The following N4BP2 variants were observed in gnomAD, a reference collection of about 807,000 sequenced individuals.
The protein encoded by N4BP2 is NEDD4 binding protein 2, also known as NEDD4-binding protein 2.
Under a neutral mutation model 152.8 loss-of-function variants are expected in N4BP2, and 91 were observed. The ratio of observed to expected loss-of-function variants is 0.60; its 90% CI spans 0.50 to 0.71. N4BP2 has a LOEUF of 0.71. N4BP2 is among the 30% of genes least tolerant of loss of function. N4BP2 has a pLI of 0.00. For synonymous variants in N4BP2, 646 were observed against 705.3 expected, an observed-to-expected ratio of 0.92 and a Z score of 1.33; for missense variants, 1,923 against 2,059.1, an observed-to-expected ratio of 0.93 and a Z score of 1.28.
At position 40,120,319 on chromosome 4, in the gene N4BP2, CTG is replaced by C; in HGVS notation, c.2211_2212del (p.Cys737Ter). On this transcript the variant is annotated frameshift_variant, in exon 9 of 18. Transcript: ENST00000261435. LOFTEE classifies it high-confidence loss of function. Reference protein sequence around the residue: ...TCCSENNQEDCDLANSGPLQN... With the variant: ...TCCSENNQEDXDLANSGPLQN... Reference sequence around the variant, plus strand: ...GCTGTAGTGAAAATAATCAAGAAGACTGTGATCTTGCAAATAGTGGACCACTT... The same window carrying C: ...GCTGTAGTGAAAATAATCAAGAAGACTGATCTTGCAAATAGTGGACCACTT... 1.2e-6 allele frequency: 2 copies of C among 1,612,730 alleles called. No individual in the cohort carries two copies. Among genetic ancestry groups the C allele is most frequent in the Non-Finnish European group, 8.5e-7 (1 of 1,179,640 alleles).
intron 4 of N4BP2, among the ~76,000 whole-genome samples, chr4:40,104,508 T>A (rs560634374): frequency 6.6e-6 from 1 of 152,052 alleles, no homozygotes; most frequent in African/African-American, 2.4e-5. Context: ...TCAGTAGACA[T>A]GTAGGCTTTT....
chr4:40,152,451 A>G (rs983724717), intron 16 of N4BP2, among the ~76,000 whole-genome samples: 4 of 152,210 alleles, frequency 2.6e-5, no homozygotes, highest in African/African-American at 9.6e-5. Context: ...ATTGTTAGGT[A>G]TCATTAATGG....
chr4:40,141,983 CA>C (rs1324740574), intron 14 of N4BP2, among the ~76,000 whole-genome samples: 1 of 152,076 alleles, frequency 6.6e-6, no homozygotes, highest in African/African-American at 2.4e-5. Context: ...AGGCACTCGG[CA>C]AGCTGAGGCA....
At chr4:40,179,478 G>T in the N4BP2 span, among the ~76,000 whole-genome samples, 1 of 152,220 alleles carries the variant, frequency 6.6e-6, no homozygotes, top group African/African-American at 2.4e-5. Flanking sequence ...TTGCAAGAGG[G>T]TGCTAAGCAG....
At chr4:40,170,411 G>A in the N4BP2 span, among the ~76,000 whole-genome samples, 1 of 151,910 alleles carries the variant, frequency 6.6e-6, no homozygotes, top group Non-Finnish European at 1.5e-5. Flanking sequence ...TTGAGTTTAG[G>A]AGTTGAAGAC....
At chr4:40,163,705 C>CT in the N4BP2 span, among the ~76,000 whole-genome samples, 1 of 152,192 alleles carries the variant, frequency 6.6e-6, no homozygotes, top group Non-Finnish European at 1.5e-5. Context: ...GAAAAACCCT[C>CT]TGTTCTTGAT....
At chr4:40,090,448 GT>G (rs1389158687) in intron 2 of N4BP2, among the ~76,000 whole-genome samples, 1 of 152,034 alleles carries the variant, frequency 6.6e-6, no homozygotes, top group Non-Finnish European at 1.5e-5. Flanking sequence ...TTTTGTACTT[GT>G]TTTCTTAGAT....
At chr4:40,127,136 G>T (rs1199222719) in intron 12 of N4BP2, among the ~76,000 whole-genome samples, 1 of 151,784 alleles carries the variant, frequency 6.6e-6, no homozygotes, top group Non-Finnish European at 1.5e-5. Flanking sequence ...TGATTCACCT[G>T]CCTTGCCCTC....
intron 14 of N4BP2, among the ~76,000 whole-genome samples, chr4:40,141,478 C>T (rs1719956120): frequency 6.6e-6 from 1 of 150,492 alleles, no homozygotes; most frequent in Non-Finnish European, 1.5e-5. Flanking sequence ...CTCCCCACAT[C>T]TCAGACGATG....
downstream of N4BP2, among the ~76,000 whole-genome samples, chr4:40,162,060 T>C (rs1721874210): frequency 6.6e-6 from 1 of 152,200 alleles, no homozygotes; most frequent in Admixed American, 6.5e-5. Flanking sequence ...TACCAGTGGA[T>C]AGATGGCCTC....
chr4:40,144,288 A>G (rs1382724987), intron 15 of N4BP2, among the ~76,000 whole-genome samples: 3 of 152,146 alleles, frequency 2.0e-5, no homozygotes, highest in Admixed American at 6.5e-5. Context: ...CCCAGAAACA[A>G]TGCTTCACCA....
At chr4:40,080,957 C>T (rs79717465) in intron 2 of N4BP2, among the ~76,000 whole-genome samples, 24,750 of 151,468 alleles carry the variant, frequency 0.16, 2,416 homozygotes, top group East Asian at 0.45. Context: ...TGAGCCACTG[C>T]GCCTGGCAAG....
the N4BP2 span, among the ~76,000 whole-genome samples, chr4:40,164,209 G>A: frequency 5.9e-5 from 9 of 152,278 alleles, no homozygotes; most frequent in South Asian, 1.5e-3. Flanking sequence ...TAGTGGAGGT[G>A]AGCAGTGAAG....
intron 5 of N4BP2, among the ~76,000 whole-genome samples, chr4:40,110,718 A>G (rs1716791197): frequency 1.3e-5 from 2 of 152,056 alleles, no homozygotes; most frequent in African/African-American, 2.4e-5. Flanking sequence ...TTGTATTTTT[A>G]GTAGAGACGG....
chr4:40,121,343 G>T lies in N4BP2; in HGVS notation c.3232G>T (p.Val1078Phe). The change falls in exon 9 of 18, where the codon GTT becomes TTT. Residue 1078 changes from valine to phenylalanine, a missense_variant. Coordinates refer to ENST00000261435, the MANE Select transcript of N4BP2 (RefSeq NM_018177.6). Reference protein sequence around the residue: ...YRVMYDKSTFVEESELTSADE... With the variant: ...YRVMYDKSTFFEESELTSADE... ...AGTAATGTATGATAAAAGCACGTTT[G>T]TTGAAGAAAGTGAGCTTACCAGTGC... 1.2e-6 allele frequency: 2 copies of T among 1,613,908 alleles called. No individual in the cohort carries two copies. The highest frequency in any genetic ancestry group is 1.3e-5 in the African/African-American group (1 of 75,042).
intron 2 of N4BP2, among the ~76,000 whole-genome samples, chr4:40,074,537 T>C (rs928135225): frequency 1.7e-4 from 26 of 152,118 alleles, no homozygotes; most frequent in African/African-American, 6.3e-4. Context: ...TTTACTTATA[T>C]ATTTGAGGGA....
chr4:40,084,886 G>T (rs1402434573), intron 2 of N4BP2, among the ~76,000 whole-genome samples: 1 of 143,512 alleles, frequency 7.0e-6, no homozygotes, highest in Non-Finnish European at 1.5e-5. Context: ...AAGTGCTGGG[G>T]TTACAGGTGT....
At chr4:40,163,917 A>G in the N4BP2 span, among the ~76,000 whole-genome samples, 1 of 152,352 alleles carries the variant, frequency 6.6e-6, no homozygotes, top group Non-Finnish European at 1.5e-5. Flanking sequence ...TATTAATAGC[A>G]GAGCCGGGTT....
the N4BP2 span, among the ~76,000 whole-genome samples, chr4:40,175,488 C>T: frequency 6.6e-6 from 1 of 152,074 alleles, no homozygotes; most frequent in Non-Finnish European, 1.5e-5. Context: ...TGATGCAAAA[C>T]ATGAGAACTG....
Sources: allele counts gnomAD v4.1 joint callset (sites outside exome capture counted in the v4.1 genomes callset), GRCh38; gene constraint gnomAD v4.1.1; transcripts MANE v1.5; gene names NCBI Gene and HGNC (gene_info 2026-07-23, HGNC 2026-07-21).